The following NIN variants were observed in gnomAD, a reference collection of about 807,000 sequenced individuals.
NIN encodes glycogen synthase kinase 3 beta-interacting protein.
In NIN, 137 loss-of-function variants were observed where a neutral mutation model predicts 257.6. The ratio of observed to expected loss-of-function variants is 0.53; its 90% CI spans 0.46 to 0.61. NIN has a LOEUF of 0.61. Ranked by LOEUF, NIN falls within the 20% of genes least tolerant of loss-of-function variation. The pLI is 0.00. For missense variants in NIN, 2,439 were observed against 2,501.2 expected (o/e 0.98, Z 0.53); for synonymous variants, 918 against 919.8 (o/e 1.00, Z 0.04).
chr14:50,739,030 T>A (rs2041142721), intron 26 of NIN, among the ~76,000 whole-genome samples: 1 of 152,188 alleles, frequency 6.6e-6, no homozygotes, highest in Non-Finnish European at 1.5e-5. Flanking sequence ...ATTTGAAGAC[T>A]ATATGGTTCA....
Position 50,758,092 on chromosome 14 carries a change from T to C in NIN, c.2938A>G (p.Arg980Gly). ...AGAAGCTTGGACATCATTTCCTGCC[T>C]TTCCTGGTCATGTTCCATTTCTAGT... ...ERLEMEHDQE[R>G]QEMMSKLLAM... Residue 980 changes from arginine to glycine, a missense_variant, in exon 18 of 31, where the codon AGG becomes GGG. By Grantham distance (125) the Arg-to-Gly change is moderately radical (BLOSUM62 -2). Around this residue, in one of 3 missense-constraint regions of NIN, gnomAD observed 2,043 missense variants for 2,050.2 expected, o/e 1.00. Transcript: ENST00000530997. 1 of 1,614,216 alleles carries C rather than the reference T, an allele frequency of 6.2e-7. No homozygotes were observed. Among genetic ancestry groups the C allele is most frequent in the South Asian group, 1.1e-5 (1 of 91,084 alleles).
intron 3 of NIN, among the ~76,000 whole-genome samples, chr14:50,809,363 G>A (rs2044477981): frequency 6.6e-6 from 1 of 152,200 alleles, no homozygotes; most frequent in Non-Finnish European, 1.5e-5. Flanking sequence ...GATCTGCAGA[G>A]TTGCCCAGCA....
intron 30 of NIN, chr14:50,724,212 A>G (rs2040330960): frequency 5.0e-6 from 1 of 201,642 alleles, no homozygotes; most frequent in Admixed American, 6.0e-5. Context: ...TCTAATCTTT[A>G]TAGTTAGAAT....
chr14:50,770,260 AC>A (rs2042675955), intron 12 of NIN, 127 bp downstream of exon 12: 1 of 886,598 alleles, frequency 1.1e-6, no homozygotes, highest in Non-Finnish European at 1.7e-6. Flanking sequence ...CTGGGTGAAG[AC>A]CCAGCTGGGC....
chr14:50,756,379 G>C, intron 18 of NIN, 113 bp downstream of exon 18: 1 of 1,109,016 alleles, frequency 9.0e-7, no homozygotes, highest in Non-Finnish European at 1.3e-6. Context: ...AGAGAGTACT[G>C]CTCTCTTCGT....
intron 29 of NIN, chr14:50,727,700 C>G (rs1183575619): frequency 1.4e-6 from 2 of 1,438,998 alleles, no homozygotes; most frequent in Admixed American, 1.8e-5. Flanking sequence ...CACAGGTGCC[C>G]AATCCTTCTG....
chr14:50,726,193 C>T lies in NIN; in HGVS notation c.6079-127G>A, dbSNP rs150456424. 1.5e-3 allele frequency: 1,060 copies of T among 701,140 alleles called. 6 individuals carry two copies. In the African/African-American group the frequency reaches 0.017, roughly 11 times the overall value. The allele number at this position is 701,140 out of a possible 1,614,324, so 43.4% of individuals were successfully genotyped here. A position where few individuals can be genotyped will look rare whatever the true frequency, so the allele number is the denominator to read the frequency against. On this transcript the variant is annotated intron_variant, in intron 29 of 30. Transcript: ENST00000530997. ...CCTTTGTAACAGGAAGGATGGATTT[C>T]TCATGAAATGAGAGTTTTGAGCCCT...
chr14:50,730,361 A>T (rs983012860), intron 28 of NIN, among the ~76,000 whole-genome samples: 2 of 152,232 alleles, frequency 1.3e-5, no homozygotes, highest in African/African-American at 4.8e-5. Context: ...GGAAATGTGT[A>T]CCAACATGCC....
In NIN at chr14:50,758,373, G is replaced by T. The variant is rs768180933; in HGVS notation, c.2657C>A (p.Thr886Asn). ...TCTCTCCTGGGTCAGGACCAGAGAA[G>T]TTGTTTTCTCTCTCTTAAGAGTCTC... ...LKETLKREKT[T>N]SLVLTQEREM... The change falls in exon 18 of 31, where the codon ACT becomes AAT. Residue 886 changes from threonine (T) to asparagine (N), a missense_variant. By Grantham distance (65) the Thr-to-Asn change is moderately conservative. Coordinates refer to ENST00000530997, the MANE Select transcript of NIN (RefSeq NM_020921.4). 6.5e-5 allele frequency: 105 copies of T among 1,614,130 alleles called. No homozygotes were observed. Among genetic ancestry groups the T allele is most frequent in the Non-Finnish European group, 8.6e-5 (101 of 1,180,034 alleles).
At position 50,719,966 on chromosome 14, in the gene NIN, C is replaced by G. The variant is rs2040241282; in HGVS notation, c.*3497G>C. 1 of 215,526 alleles carries G rather than the reference C, an allele frequency of 4.6e-6. No homozygotes were observed. Among genetic ancestry groups the G allele is most frequent in the Non-Finnish European group, 9.4e-6 (1 of 106,706 alleles). The allele number at this position is 215,526 out of a possible 1,614,324, so 13.4% of individuals were successfully genotyped here. ...AAACATAGAGATGGCTTTAGATAAT[C>G]TGTTTTTCCTTCACAAACCAATGTT... On this transcript the variant is annotated 3_prime_UTR_variant, in exon 31 of 31. Coordinates refer to ENST00000530997, the MANE Select transcript of NIN (RefSeq NM_020921.4).
intron 3 of NIN, among the ~76,000 whole-genome samples, chr14:50,814,702 A>T (rs1435377326): frequency 6.6e-6 from 1 of 152,234 alleles, no homozygotes; most frequent in African/African-American, 2.4e-5. Flanking sequence ...CACATAGACC[A>T]ACAGAACAGA....
intron 28 of NIN, among the ~76,000 whole-genome samples, chr14:50,733,639 A>T (rs1327985548): frequency 6.6e-6 from 1 of 152,208 alleles, no homozygotes; most frequent in Non-Finnish European, 1.5e-5. Context: ...GCAGGAGAAG[A>T]ACTGGTCTCT....
intron 24 of NIN, chr14:50,742,265 G>A (rs536091426): frequency 6.6e-6 from 1 of 152,402 alleles, no homozygotes; most frequent in South Asian, 2.1e-4. Flanking sequence ...AAAATAAAAA[G>A]CTGAGTGTGG....
At chr14:50,727,138 T>A in intron 29 of NIN, 1 of 301,954 alleles carries the variant, frequency 3.3e-6, no homozygotes. Flanking sequence ...CAAAATGATG[T>A]CTATTTGCCC....
chr14:50,786,739 C>CA (rs1445920290), intron 5 of NIN, among the ~76,000 whole-genome samples: 1 of 151,926 alleles, frequency 6.6e-6, no homozygotes, highest in Non-Finnish European at 1.5e-5. Context: ...GAAAATTTAA[C>CA]AAGGGAGTAA....
At position 50,759,918 on chromosome 14, in the gene NIN, C is replaced by G. The variant is rs1223722917; in HGVS notation, c.2338G>C (p.Glu780Gln). 2.5e-6 allele frequency: 4 copies of G among 1,614,036 alleles called. No homozygotes were observed. Among genetic ancestry groups the G allele is most frequent in the Non-Finnish European group, 3.4e-6 (4 of 1,180,014 alleles). The change falls in exon 17 of 31, where the codon GAG becomes CAG. Residue 780 changes from glutamate (E) to glutamine (Q), a missense_variant. By Grantham distance (29) the Glu-to-Gln change is conservative (BLOSUM62 2). Transcript: ENST00000530997. ...LTSLVEKHTLEKEELRKELLE... is the reference protein window; with the variant it reads ...LTSLVEKHTLQKEELRKELLE... ...AGCTCTTTTCTTAACTCCTCTTTCT[C>G]AAGAGTGTGTTTCTCCACCAGGCTT...
At position 50,729,562 on chromosome 14, in the gene NIN, C is replaced by T; in HGVS notation, c.6039G>A (p.Glu2013=). The T allele has an allele frequency of 6.8e-6, 11 of 1,613,780 alleles. No homozygotes were observed. The highest frequency in any genetic ancestry group is 7.6e-6 in the Non-Finnish European group (9 of 1,179,872). Residue 2013 remains glutamate, a synonymous_variant, in exon 29 of 31, where the codon GAG becomes GAA. Coordinates refer to ENST00000530997, the MANE Select transcript of NIN (RefSeq NM_020921.4). ...QAERINQHLQ[E]ELENRTSETN... ...TTTCGGAGGTCCTGTTTTCAAGTTC[C>T]TCCTGCAGGTGCTGGTTTATCCTTT...
rs140023238 is a variant in NIN, at chr14:50,734,949, A to G, written c.5877+567T>C. Among the ~76,000 whole-genome samples, 1,212 of 151,934 alleles carry G rather than the reference A, an allele frequency of 8.0e-3. 18 individuals are homozygous for G. Among genetic ancestry groups the G allele is most frequent in the African/African-American group, 0.027 (1,125 of 41,426 alleles). On this transcript the variant is annotated intron_variant, in intron 28 of 30. Transcript: ENST00000530997. ...CATTTGACTGCCTCAGCCTCCCAAA[A>G]TGCTGGGATTACAGGTATAAGCCAC...
rs1376737391 is a variant in NIN, at chr14:50,759,975, C to G, written c.2281G>C (p.Glu761Gln). ...TGCTCCTGGTGAAACTGCTCTAGTT[C>G]CTGAGTCAAGCCTCTCACCTTCTCT... Reference protein sequence around the residue: ...TEEKVRGLTQELEQFHQEQLT... With the variant: ...TEEKVRGLTQQLEQFHQEQLT... The change falls in exon 17 of 31, where the codon GAA becomes CAA. Residue 761 changes from glutamate (E) to glutamine (Q), a missense_variant. Glu to Gln is a conservative substitution (Grantham distance 29). This residue lies in a region of NIN where 2,043 missense variants were observed against 2,050.2 expected (regional missense o/e 1.00). Transcript: ENST00000530997. The G allele has an allele frequency of 2.5e-6, 4 of 1,614,076 alleles. No individual in the cohort carries two copies. In the African/African-American group the frequency reaches 4.0e-5, roughly 16 times the overall value.
Sources: allele counts gnomAD v4.1 joint callset (sites outside exome capture counted in the v4.1 genomes callset), GRCh38; gene constraint gnomAD v4.1.1; regional missense constraint gnomAD v4.1.1; transcripts MANE v1.5; gene names NCBI Gene and HGNC (gene_info 2026-07-23, HGNC 2026-07-21).